METTL6: variants seen among roughly 807,000 people sequenced by gnomAD.
METTL6 encodes the protein tRNA N(3)-cytidine methyltransferase METTL6.
METTL6 carries 22 observed loss-of-function variants against 26.4 expected under a neutral mutation model. The ratio of observed to expected loss-of-function variants is 0.83; its 90% CI spans 0.59 to 1.19. The LOEUF is 1.19. METTL6 is among the 50% of genes most tolerant of loss of function. METTL6 has a pLI of 0.00. For missense variants in METTL6, 304 were observed against 324.8 expected (o/e 0.94, Z 0.49); for synonymous variants, 109 against 116.2 (o/e 0.94, Z 0.40).
rs566240152 is a variant in METTL6 at position 15,410,361 on chromosome 3, C to T, written c.*895G>A. The stretch of plus-strand genomic sequence containing the variant: ...TTTTTGAGACAGACTTTTGCTCTGT[C>T]GCCCAGGCTGGAGTGCAGTAGCGTG... On this transcript the variant is annotated 3_prime_UTR_variant, in exon 6 of 6. Coordinates refer to ENST00000383790, the MANE Select transcript of METTL6 (RefSeq NM_152396.4). Among the ~76,000 whole-genome samples, 6 of 152,132 alleles carry T rather than the reference C, an allele frequency of 3.9e-5. No individual in the cohort carries two copies. Among genetic ancestry groups the T allele is most frequent in the Admixed American group, 2.0e-4 (3 of 15,270 alleles).
At chr3:15,404,254 T>C (rs903608439) in intron 6 of METTL6, among the ~76,000 whole-genome samples, 10 of 152,260 alleles carry the variant, frequency 6.6e-5, no homozygotes, top group Non-Finnish European at 1.5e-4. Context: ...CAGAGTGCCC[T>C]GCATCCAGCT....
At chr3:15,418,219 A>C (rs1403411344) in intron 3 of METTL6, among the ~76,000 whole-genome samples, 2 of 152,214 alleles carry the variant, frequency 1.3e-5, no homozygotes. Context: ...CCAGAGCCAG[A>C]CTCAAATATG....
chr3:15,397,724 A>T (rs1274066114), intron 6 of METTL6, among the ~76,000 whole-genome samples: 5 of 152,108 alleles, frequency 3.3e-5, no homozygotes, highest in Non-Finnish European at 7.4e-5. Context: ...TTGTAAAGCT[A>T]ATTAGAGACC....
intron 2 of METTL6, 80 bp downstream of exon 2, chr3:15,426,207 G>A: frequency 7.2e-7 from 1 of 1,392,604 alleles, no homozygotes. Flanking sequence ...CCCAAGTACT[G>A]GGATTACAGG....
In METTL6 at chr3:15,410,146, C is replaced by T. The variant is rs1490052040; in HGVS notation, c.*1110G>A. Reference sequence around the variant, plus strand: ...TTTATTTACATGTCTCTAACACACACACATACACTTCCTATTTTTTAATAC... The same window carrying T: ...TTTATTTACATGTCTCTAACACACATACATACACTTCCTATTTTTTAATAC... On this transcript the variant is annotated 3_prime_UTR_variant, in exon 6 of 6. Coordinates refer to ENST00000383790, the MANE Select transcript of METTL6 (RefSeq NM_152396.4). 6.6e-6 allele frequency among the ~76,000 whole-genome samples: 1 copy of T among 152,114 alleles called. No homozygotes were observed. The highest frequency in any genetic ancestry group is 1.5e-5 in the Non-Finnish European group (1 of 68,018).
intron 3 of METTL6, 47 bp downstream of exon 3, chr3:15,424,908 C>G: frequency 6.2e-7 from 1 of 1,609,386 alleles, no homozygotes; most frequent in East Asian, 2.2e-5. Context: ...CAAACAAGAT[C>G]GGCAAGAAAA....
chr3:15,384,354 A>T (rs929378839), intron 6 of METTL6: 4 of 197,250 alleles, frequency 2.0e-5, no homozygotes, highest in African/African-American at 9.6e-5. Context: ...GTCACCACAC[A>T]TCTGAGAAAA....
At chr3:15,415,733 G>T in intron 4 of METTL6, 39 bp downstream of exon 4, 1 of 1,604,758 alleles carries the variant, frequency 6.2e-7, no homozygotes, top group Non-Finnish European at 8.5e-7. Flanking sequence ...AAAGAATCCA[G>T]ACTGTCCAAC....
intron 6 of METTL6, among the ~76,000 whole-genome samples, chr3:15,404,468 G>C (rs374244921): frequency 6.6e-6 from 1 of 151,114 alleles, no homozygotes. Context: ...TCAGCCTCCC[G>C]AGTACCTGGG....
In METTL6 at chr3:15,426,588, C is replaced by T; in HGVS notation, c.-77G>A. 1 of 1,324,524 alleles carries T rather than the reference C, an allele frequency of 7.5e-7. No individual in the cohort carries two copies. The allele number at this position is 1,324,524 out of a possible 1,614,324, so 82.0% of individuals were successfully genotyped here. A position where few individuals can be genotyped will look rare whatever the true frequency, so the allele number is the denominator to read the frequency against. On this transcript the variant is annotated 5_prime_UTR_variant, in exon 2 of 6. Transcript: ENST00000383790. ...ATAATATGAATCCACGCTAATGGAT[C>T]AGATACATTTCCTGAGGTGAGTTTC...
At chr3:15,405,911 G>T (rs1699769588), downstream of METTL6, among the ~76,000 whole-genome samples, 1 of 152,120 alleles carries the variant, frequency 6.6e-6, no homozygotes, top group South Asian at 2.1e-4. Context: ...TTGGTAGTTT[G>T]TACTGGGTAA....
In METTL6 at chr3:15,416,021, C is replaced by T. The variant is rs537264681; in HGVS notation, c.361-79G>A. 76 of 1,297,196 alleles carry T rather than the reference C, an allele frequency of 5.9e-5. No homozygotes were observed. In the Middle Eastern group the frequency reaches 8.3e-4, roughly 14 times the overall value. 80.4% of individuals were successfully genotyped at this position (1,297,196 alleles called of 1,614,324 possible). A position where few individuals can be genotyped will look rare whatever the true frequency, so the allele number is the denominator to read the frequency against. ...TATAGAAAAATACAACATCAAAAGG[C>T]GATCCAATTTCCACTTGTATACATA... On this transcript the variant is annotated intron_variant, in intron 3 of 5. Transcript: ENST00000383790.
rs1221331537 is a variant in METTL6, at chr3:15,390,563, CA to C, written c.*12-6377del. Among the ~76,000 whole-genome samples, 3 of 152,206 alleles carry C rather than the reference CA, an allele frequency of 2.0e-5. No individual in the cohort carries two copies. In the South Asian group the frequency reaches 6.2e-4, roughly 32 times the overall value. On this transcript the variant is annotated intron_variant, in intron 6 of 6. Transcript: ENST00000443029. Reference sequence around the variant, plus strand: ...CTTGTTTACTCGGCCACCTCGTGCTCAAACCCCTTGTGAGAGTGAGTGAGTG... The same window carrying C: ...CTTGTTTACTCGGCCACCTCGTGCTCAACCCCTTGTGAGAGTGAGTGAGTG...
chr3:15,413,950 C>T (rs1169900066), intron 5 of METTL6, 71 bp downstream of exon 5: 13 of 1,606,096 alleles, frequency 8.1e-6, no homozygotes, highest in South Asian at 2.2e-5. Context: ...AGCAGCCTTG[C>T]AGTGATAATG....
At chr3:15,413,785 T>C (rs1442631748) in intron 5 of METTL6, 1 of 1,455,362 alleles carries the variant, frequency 6.9e-7, no homozygotes, top group Non-Finnish European at 9.1e-7. Context: ...GGCTGTCCAT[T>C]AACCCAAGCT....
intron 4 of METTL6, chr3:15,414,422 C>A (rs983739474): frequency 1.9e-5 from 18 of 948,780 alleles, no homozygotes; most frequent in Non-Finnish European, 2.3e-5. Flanking sequence ...GTGGCATAAT[C>A]TCAGCTCACT....
At chr3:15,404,192 C>CT (rs1559484433) in intron 6 of METTL6, among the ~76,000 whole-genome samples, 1 of 152,170 alleles carries the variant, frequency 6.6e-6, no homozygotes, top group Admixed American at 6.5e-5. Context: ...TCAAATGCCT[C>CT]TGACACCCAC....
downstream of METTL6, among the ~76,000 whole-genome samples, chr3:15,409,493 T>C (rs1473502396): frequency 1.3e-5 from 2 of 152,242 alleles, no homozygotes; most frequent in African/African-American, 2.4e-5. Context: ...ACTAGCTACG[T>C]GATTTTGGAC....
At position 15,411,227 on chromosome 3, in the gene METTL6, G is replaced by A. The variant is rs1285786093; in HGVS notation, c.*29C>T. On this transcript the variant is annotated 3_prime_UTR_variant, in exon 6 of 6. Transcript: ENST00000383790. The stretch of plus-strand genomic sequence containing the variant: ...TGATTTTAAATTTTCCTCTTCAAGG[G>A]AAGGTATAAATGCCAACCTCATGAA... 6.3e-7 allele frequency: 1 copy of A among 1,587,436 alleles called. No homozygotes were observed. Among genetic ancestry groups the A allele is most frequent in the African/African-American group, 1.4e-5 (1 of 73,342 alleles).
Sources: gnomAD v4.1 joint callset for allele counts (sites outside exome capture counted in the v4.1 genomes callset) on GRCh38, gnomAD v4.1.1 for gene constraint, MANE v1.5 for transcripts, NCBI Gene and HGNC (gene_info 2026-07-23, HGNC 2026-07-21) for gene names.